The following DNAH12 variants were observed in gnomAD, a reference collection of about 807,000 sequenced individuals.
DNAH12 encodes dynein axonemal heavy chain 12, also known as axonemal beta dynein heavy chain 12.
In DNAH12, 285 loss-of-function variants were observed where a neutral mutation model predicts 371.5. The observed-to-expected ratio is 0.77, with a 90% CI of 0.70 to 0.85. The LOEUF (loss-of-function observed/expected upper bound fraction) is 0.85, where lower values mean the gene tolerates loss of function less well. Ranked by LOEUF, DNAH12 falls within the 40% of genes least tolerant of loss-of-function variation. The pLI, the probability that DNAH12 is intolerant of heterozygous loss-of-function variation, is 0.00. For synonymous variants in DNAH12, 1,200 were observed against 1,213.0 expected, an observed-to-expected ratio of 0.99 and a Z score of 0.22; for missense variants, 3,611 against 3,689.4, an observed-to-expected ratio of 0.98 and a Z score of 0.55.
At chr3:57,534,512 T>TC (rs1315618000) in intron 2 of DNAH12, among the ~76,000 whole-genome samples, 1 of 146,936 alleles carries the variant, frequency 6.8e-6, no homozygotes, top group South Asian at 2.2e-4. Context: ...AGCTAGCTTT[T>TC]TTTTTTTTTT....
At position 57,419,423 on chromosome 3, in the gene DNAH12, A is replaced by G; in HGVS notation, c.5658T>C (p.Pro1886=). The change falls in exon 37 of 74, where the codon CCT becomes CCC. Residue 1886 remains proline (P), a synonymous_variant. Coordinates refer to ENST00000495027, the MANE Select transcript of DNAH12 (RefSeq NM_001366028.2). ...KQIKIQDIIV[P]TMDTIRYTFL... Reference sequence around the variant, plus strand: ...ACGTATATCTAATTGTGTCCATCGTAGGGACTATGATATCTTGAATCTTGA... The same window carrying G: ...ACGTATATCTAATTGTGTCCATCGTGGGGACTATGATATCTTGAATCTTGA... 2 of 1,512,306 alleles carry G rather than the reference A, an allele frequency of 1.3e-6. No homozygotes were observed. The highest frequency in any genetic ancestry group is 2.7e-5 in the South Asian group (2 of 74,832). The allele number at this position is 1,512,306 out of a possible 1,614,324, so 93.7% of individuals were successfully genotyped here.
At chr3:57,340,935 T>A (rs1166677532) in intron 60 of DNAH12, among the ~76,000 whole-genome samples, 1 of 152,106 alleles carries the variant, frequency 6.6e-6, no homozygotes, top group African/African-American at 2.4e-5. Flanking sequence ...ATCAAAAATA[T>A]CATACACTAT....
chr3:57,309,068 C>T, intron 69 of DNAH12, 83 bp downstream of exon 69: 3 of 1,172,384 alleles, frequency 2.6e-6, no homozygotes, highest in Non-Finnish European at 3.5e-6. Flanking sequence ...TTTCGCCGCC[C>T]CAACACTTCA....
intron 11 of DNAH12, chr3:57,498,612 T>C (rs375183926): frequency 2.5e-5 from 18 of 711,924 alleles, no homozygotes; most frequent in Admixed American, 6.0e-5. Context: ...TTATTCATAA[T>C]AGCCAAAAAC....
intron 69 of DNAH12, among the ~76,000 whole-genome samples, chr3:57,302,727 C>T (rs1371207349): frequency 1.3e-5 from 2 of 149,818 alleles, no homozygotes; most frequent in Non-Finnish European, 3.0e-5. Flanking sequence ...AGGCATGCAC[C>T]ACCACACCCA....
chr3:57,439,281 G>A (rs2153368304), intron 29 of DNAH12, among the ~76,000 whole-genome samples: 1 of 152,180 alleles, frequency 6.6e-6, no homozygotes, highest in African/African-American at 2.4e-5. Context: ...AAAGCCAGAG[G>A]AATCACATTA....
chr3:57,412,637 C>A (rs1207318073), intron 39 of DNAH12, among the ~76,000 whole-genome samples: 1 of 152,164 alleles, frequency 6.6e-6, no homozygotes, highest in Non-Finnish European at 1.5e-5. Flanking sequence ...AAGACCCTAA[C>A]AGACACCTCA....
intron 40 of DNAH12, 56 bp downstream of exon 40, chr3:57,408,224 C>T (rs577917790): frequency 1.6e-5 from 23 of 1,435,196 alleles, no homozygotes; most frequent in Middle Eastern, 3.6e-4. Flanking sequence ...ATAAAATAAG[C>T]GCCAAATGAG....
intron 4 of DNAH12, among the ~76,000 whole-genome samples, chr3:57,513,054 C>T (rs1226071507): frequency 1.3e-5 from 2 of 151,530 alleles, no homozygotes; most frequent in Non-Finnish European, 2.9e-5. Flanking sequence ...CAGAGAATTG[C>T]TTGAATCCAG....
intron 2 of DNAH12, among the ~76,000 whole-genome samples, chr3:57,535,850 T>TG (rs1351534249): frequency 6.6e-6 from 1 of 150,956 alleles, no homozygotes; most frequent in African/African-American, 2.4e-5. Flanking sequence ...ATTTTTTTTT[T>TG]TTTTTGAGAC....
intron 23 of DNAH12, 54 bp from the exon 24 acceptor site, chr3:57,453,457 T>G (rs1357917208): frequency 7.3e-7 from 1 of 1,376,492 alleles, no homozygotes; most frequent in Non-Finnish European, 9.7e-7. Context: ...ACTTAAAACA[T>G]GTATTTTATA....
intron 32 of DNAH12, among the ~76,000 whole-genome samples, chr3:57,432,348 T>C (rs1388356353): frequency 6.6e-6 from 1 of 150,622 alleles, no homozygotes; most frequent in East Asian, 2.0e-4. Flanking sequence ...TTTTTTTTTT[T>C]TTTTGTATTT....
chr3:57,332,475 C>A (rs1326977349), intron 62 of DNAH12, among the ~76,000 whole-genome samples: 1 of 152,180 alleles, frequency 6.6e-6, no homozygotes, highest in Non-Finnish European at 1.5e-5. Flanking sequence ...TGGTATAGGA[C>A]TGTGATCACT....
At chr3:57,527,553 G>A (rs1168411838) in intron 2 of DNAH12, among the ~76,000 whole-genome samples, 1 of 152,132 alleles carries the variant, frequency 6.6e-6, no homozygotes, top group African/African-American at 2.4e-5. Context: ...GCAGGGGTGG[G>A]AGGCACACTT....
intron 30 of DNAH12, among the ~76,000 whole-genome samples, chr3:57,435,035 T>TATCA (rs2153366852): frequency 6.6e-6 from 1 of 152,208 alleles, no homozygotes; most frequent in South Asian, 2.1e-4. Context: ...TGGCATCAAG[T>TATCA]ATCAAATCAA....
At chr3:57,484,994 C>G (rs545042435) in intron 12 of DNAH12, among the ~76,000 whole-genome samples, 1 of 152,294 alleles carries the variant, frequency 6.6e-6, no homozygotes, top group East Asian at 1.9e-4. Context: ...TACCACCTCA[C>G]TCCTACAGGA....
chr3:57,314,697 GAATA>G (rs1404298759), intron 65 of DNAH12, 66 bp from the exon 66 acceptor site: 1 of 1,442,478 alleles, frequency 6.9e-7, no homozygotes, highest in Non-Finnish European at 9.2e-7. Context: ...AAAATGAGAG[GAATA>G]GATAAATGAT....
chr3:57,462,555 G>A, intron 18 of DNAH12, 135 bp downstream of exon 18: 1 of 1,021,210 alleles, frequency 9.8e-7, no homozygotes. Context: ...CCCAGCCGGA[G>A]AGTGGTCTTC....
chr3:57,406,993 G>T (rs1256861864), intron 40 of DNAH12, among the ~76,000 whole-genome samples: 2 of 151,964 alleles, frequency 1.3e-5, no homozygotes, highest in African/African-American at 4.8e-5. Context: ...CCACCTCCTG[G>T]ATTCAAGTGA....
Sources: allele counts gnomAD v4.1 joint callset (sites outside exome capture counted in the v4.1 genomes callset), GRCh38; gene constraint gnomAD v4.1.1; transcripts MANE v1.5; gene names NCBI Gene and HGNC (gene_info 2026-07-23, HGNC 2026-07-21).